RCOR1: variants seen among roughly 807,000 people sequenced by gnomAD.
The protein encoded by RCOR1 is REST corepressor 1, also known as REST corepressor.
A neutral mutation model predicts 64.0 loss-of-function variants in RCOR1; 12 were observed. The ratio of observed to expected loss-of-function variants is 0.19; its 90% CI spans 0.12 to 0.30. The LOEUF (loss-of-function observed/expected upper bound fraction) is 0.30, where lower values mean the gene tolerates loss of function less well. Ranked by LOEUF, RCOR1 falls within the 10% of genes least tolerant of loss-of-function variation. The pLI is 1.00. For missense variants in RCOR1, 502 were observed against 621.2 expected (o/e 0.81, Z 2.04); for synonymous variants, 279 against 227.2 (o/e 1.23, Z -2.05).
intron 2 of RCOR1, among the ~76,000 whole-genome samples, chr14:102,660,005 GGCATTTA>G (rs1894799564): frequency 6.6e-6 from 1 of 152,170 alleles, no homozygotes; most frequent in African/African-American, 2.4e-5. Flanking sequence ...GGTGTGCTGA[GGCATTTA>G]GCCAAGCAGC....
intron 2 of RCOR1, among the ~76,000 whole-genome samples, chr14:102,671,385 G>A (rs960869283): frequency 1.4e-4 from 21 of 151,700 alleles, no homozygotes; most frequent in Admixed American, 4.6e-4. Context: ...GTTAGTTTCT[G>A]TGTTTTGTTT....
intron 2 of RCOR1, among the ~76,000 whole-genome samples, chr14:102,629,448 C>T (rs12884793): frequency 6.7e-6 from 1 of 149,360 alleles, no homozygotes; most frequent in East Asian, 2.0e-4. Flanking sequence ...AGCCTCCCCC[C>T]CCCCCACCAC....
At chr14:102,696,842 C>T (rs1351129278) in intron 3 of RCOR1, among the ~76,000 whole-genome samples, 4 of 103,894 alleles carry the variant, frequency 3.9e-5, no homozygotes, top group African/African-American at 7.8e-5. Flanking sequence ...ATAAGGGTAG[C>T]TGGGAACACA....
intron 3 of RCOR1, among the ~76,000 whole-genome samples, chr14:102,688,722 T>G (rs907992855): frequency 2.8e-4 from 43 of 152,180 alleles, no homozygotes; most frequent in African/African-American, 1.0e-3. Context: ...CCGTTAAGTA[T>G]AGGTGCACTG....
chr14:102,638,913 T>C (rs1256966796), intron 2 of RCOR1, among the ~76,000 whole-genome samples: 1 of 152,214 alleles, frequency 6.6e-6, no homozygotes, highest in Non-Finnish European at 1.5e-5. Context: ...TCCGCCTGCC[T>C]CAGCCTCTGA....
At chr14:102,610,684 T>G (rs1893612621) in intron 2 of RCOR1, among the ~76,000 whole-genome samples, 1 of 152,082 alleles carries the variant, frequency 6.6e-6, no homozygotes, top group Non-Finnish European at 1.5e-5. Flanking sequence ...TGCCTTAGCC[T>G]CCTGAGTAGC....
At chr14:102,659,981 A>C (rs1567426064) in intron 2 of RCOR1, among the ~76,000 whole-genome samples, 1 of 152,218 alleles carries the variant, frequency 6.6e-6, no homozygotes, top group African/African-American at 2.4e-5. Context: ...TAATCTGGTG[A>C]GTCGCATGCT....
At chr14:102,674,820 A>T (rs1468886555) in intron 2 of RCOR1, among the ~76,000 whole-genome samples, 1 of 152,136 alleles carries the variant, frequency 6.6e-6, no homozygotes, top group African/African-American at 2.4e-5. Flanking sequence ...CATGCCTGTA[A>T]TCCCAGCACT....
intron 3 of RCOR1, among the ~76,000 whole-genome samples, chr14:102,699,549 T>C (rs534217023): frequency 6.6e-6 from 1 of 152,352 alleles, no homozygotes; most frequent in East Asian, 1.9e-4. Context: ...TTTGGTATAA[T>C]CGCATGGCAA....
intron 4 of RCOR1, 82 bp from the exon 5 acceptor site, chr14:102,707,269 T>C: frequency 9.9e-7 from 1 of 1,007,364 alleles, no homozygotes; most frequent in Non-Finnish European, 1.4e-6. Flanking sequence ...ATGAAGTCGT[T>C]TTTACTTTTC....
rs555483424 is a variant in RCOR1, at chr14:102,685,935, C to T, written c.445+3957C>T. On this transcript the variant is annotated intron_variant, in intron 3 of 11. Transcript: ENST00000262241. ...AGATCTCCCCTCTATTAAAAAAAAA[C>T]GGGGAGGCGGGGGCTAGAAGAGAAT... Among the ~76,000 whole-genome samples, 19 of 151,642 alleles carry T rather than the reference C, an allele frequency of 1.3e-4. No homozygotes were observed. The South Asian group carries it at 3.3e-3, about 27-fold the overall frequency.
rs996111529 is a variant in RCOR1 at position 102,690,552 on chromosome 14, C to G, written c.445+8574C>G. Among the ~76,000 whole-genome samples the G allele has an allele frequency of 3.9e-5, 6 of 152,026 alleles. No homozygotes were observed. The South Asian group carries it at 6.2e-4, about 16-fold the overall frequency. On this transcript the variant is annotated intron_variant, in intron 3 of 11. Transcript: ENST00000262241. The stretch of plus-strand genomic sequence containing the variant: ...GCTGCAGTGAGCTGTGATTGCGCCA[C>G]TGCACTCCAGCCTGGGCAACAGCAG...
chr14:102,618,462 G>C (rs1893807949), intron 2 of RCOR1, among the ~76,000 whole-genome samples: 2 of 151,994 alleles, frequency 1.3e-5, no homozygotes, highest in South Asian at 4.2e-4. Flanking sequence ...GAAAAAAAAA[G>C]CGCTGGGCAT....
chr14:102,714,692 G>C, intron 8 of RCOR1, 75 bp downstream of exon 8: 1 of 1,166,608 alleles, frequency 8.6e-7, no homozygotes, highest in Non-Finnish European at 1.2e-6. Context: ...TCATATATGT[G>C]AATGTTCTCT....
intron 2 of RCOR1, among the ~76,000 whole-genome samples, chr14:102,627,888 G>C (rs1478754987): frequency 6.6e-6 from 1 of 151,944 alleles, no homozygotes; most frequent in East Asian, 1.9e-4. Flanking sequence ...AGACATATGT[G>C]TCTGTGTGTG....
At chr14:102,611,942 C>T (rs1367867491) in intron 2 of RCOR1, among the ~76,000 whole-genome samples, 1 of 152,128 alleles carries the variant, frequency 6.6e-6, no homozygotes, top group Non-Finnish European at 1.5e-5. Context: ...AGCCATGCAC[C>T]CCATATAGCT....
At chr14:102,709,557 A>G (rs1402851318) in intron 6 of RCOR1, among the ~76,000 whole-genome samples, 3 of 152,260 alleles carry the variant, frequency 2.0e-5, no homozygotes, top group Non-Finnish European at 1.5e-5. Flanking sequence ...AAAGTTGAGT[A>G]TCACTTTTGG....
intron 11 of RCOR1, among the ~76,000 whole-genome samples, chr14:102,725,981 G>A (rs1204005972): frequency 6.6e-6 from 1 of 152,184 alleles, no homozygotes; most frequent in Non-Finnish European, 1.5e-5. Flanking sequence ...TGCACATATT[G>A]GGGTTTGAGG....
At chr14:102,725,980 T>C (rs948048712) in intron 11 of RCOR1, among the ~76,000 whole-genome samples, 3 of 152,170 alleles carry the variant, frequency 2.0e-5, no homozygotes, top group Admixed American at 6.5e-5. Context: ...TTGCACATAT[T>C]GGGGTTTGAG....
Sources: gnomAD v4.1 joint callset for allele counts (sites outside exome capture counted in the v4.1 genomes callset) on GRCh38, gnomAD v4.1.1 for gene constraint, MANE v1.5 for transcripts, NCBI Gene and HGNC (gene_info 2026-07-23, HGNC 2026-07-21) for gene names.